ACTR3C: variants seen among roughly 807,000 people sequenced by gnomAD.
The protein encoded by ACTR3C is actin-related protein 3C.
A neutral mutation model predicts 26.3 loss-of-function variants in ACTR3C; 18 were observed. The ratio of observed to expected loss-of-function variants is 0.68; its 90% CI spans 0.47 to 1.01. ACTR3C has a LOEUF of 1.01. Ranked by LOEUF, ACTR3C falls within the 50% of genes least tolerant of loss-of-function variation. The pLI, the probability that ACTR3C is intolerant of heterozygous loss-of-function variation, is 0.00. For synonymous variants in ACTR3C, 55 were observed against 94.5 expected, an observed-to-expected ratio of 0.58 and a Z score of 2.42; for missense variants, 184 against 250.7, an observed-to-expected ratio of 0.73 and a Z score of 1.80.
At chr7:150,197,974 C>T in the ACTR3C span, among the ~76,000 whole-genome samples, 18 of 151,150 alleles carry the variant, frequency 1.2e-4, 1 homozygote, top group African/African-American at 3.9e-4. Context: ...CCTGCCTCAG[C>T]CTGCCGAGTG....
At chr7:150,107,545 C>T in the ACTR3C span, among the ~76,000 whole-genome samples, 1 of 151,976 alleles carries the variant, frequency 6.6e-6, no homozygotes, top group East Asian at 1.9e-4. Flanking sequence ...TTAGTGAAGT[C>T]TAAACTCTGT....
the ACTR3C span, among the ~76,000 whole-genome samples, chr7:150,105,499 A>G: frequency 1.1e-4 from 16 of 151,998 alleles, no homozygotes; most frequent in Admixed American, 2.0e-4. Context: ...TAGCACCTCA[A>G]TGGCTTTCCC....
chr7:150,011,144 A>T, the ACTR3C span, among the ~76,000 whole-genome samples: 1 of 152,144 alleles, frequency 6.6e-6, no homozygotes, highest in African/African-American at 2.4e-5. Context: ...ATTTGTATTC[A>T]TTCATCTTGA....
At chr7:149,982,058 A>C in the ACTR3C span, among the ~76,000 whole-genome samples, 2 of 152,220 alleles carry the variant, frequency 1.3e-5, no homozygotes, top group Admixed American at 1.3e-4. Flanking sequence ...CAGGGCGGAC[A>C]TTCTGGCAGC....
the ACTR3C span, among the ~76,000 whole-genome samples, chr7:150,180,171 C>T: frequency 2.0e-4 from 30 of 149,876 alleles, 1 homozygote; most frequent in African/African-American, 7.3e-4. Context: ...CGGGCGTGGT[C>T]GTGGGCACCT....
the ACTR3C span, among the ~76,000 whole-genome samples, chr7:149,904,768 G>A: frequency 6.6e-6 from 1 of 151,464 alleles, no homozygotes; most frequent in Non-Finnish European, 1.5e-5. Context: ...GGCCAAGGCA[G>A]GAGGATCATG....
the ACTR3C span, among the ~76,000 whole-genome samples, chr7:150,163,450 ATC>A: frequency 6.6e-6 from 1 of 151,254 alleles, no homozygotes; most frequent in Non-Finnish European, 1.5e-5. Flanking sequence ...ATATATACTT[ATC>A]TGTTTGTGTA....
At chr7:150,165,014 C>T in the ACTR3C span, among the ~76,000 whole-genome samples, 1 of 152,178 alleles carries the variant, frequency 6.6e-6, no homozygotes, top group South Asian at 2.1e-4. Flanking sequence ...GGTAAGGAAA[C>T]AAAGTTTCTG....
chr7:150,159,849 C>A, the ACTR3C span, among the ~76,000 whole-genome samples: 4 of 152,152 alleles, frequency 2.6e-5, no homozygotes, highest in Non-Finnish European at 5.9e-5. Flanking sequence ...CCCAGGCTCA[C>A]AGATCTCGGC....
chr7:150,092,612 C>T, the ACTR3C span, among the ~76,000 whole-genome samples: 113 of 150,352 alleles, frequency 7.5e-4, 1 homozygote, highest in African/African-American at 2.4e-3. Context: ...CATTGCCTTA[C>T]GGTCATTAAT....
At chr7:150,148,491 A>AT in the ACTR3C span, among the ~76,000 whole-genome samples, 1 of 152,096 alleles carries the variant, frequency 6.6e-6, no homozygotes, top group Non-Finnish European at 1.5e-5. Flanking sequence ...GGAAAAAAAA[A>AT]GTCACAAATC....
chr7:150,252,145 T>TGC (rs1563146688), intron 6 of ACTR3C, among the ~76,000 whole-genome samples: 3 of 150,744 alleles, frequency 2.0e-5, no homozygotes, highest in African/African-American at 7.4e-5. Context: ...TGTGTGTGTG[T>TGC]GCATGTGTGT....
At chr7:150,190,416 A>G in the ACTR3C span, among the ~76,000 whole-genome samples, 1 of 152,182 alleles carries the variant, frequency 6.6e-6, no homozygotes, top group African/African-American at 2.4e-5. Flanking sequence ...CTTTCCTTTT[A>G]TGAATATTGC....
the ACTR3C span, among the ~76,000 whole-genome samples, chr7:149,998,598 T>C: frequency 2.0e-5 from 3 of 149,486 alleles, no homozygotes; most frequent in South Asian, 6.5e-4. Context: ...CCATCAGATC[T>C]CGTGAGAACT....
At chr7:150,046,079 C>T in the ACTR3C span, among the ~76,000 whole-genome samples, 1 of 152,076 alleles carries the variant, frequency 6.6e-6, no homozygotes, top group African/African-American at 2.4e-5. Flanking sequence ...GAGGGACATG[C>T]CTTTGAATGA....
chr7:150,317,719 T>G (rs1300058726), intron 1 of ACTR3C, among the ~76,000 whole-genome samples: 1 of 152,212 alleles, frequency 6.6e-6, no homozygotes, highest in African/African-American at 2.4e-5. Flanking sequence ...GGTGGATATA[T>G]CTGATCATGC....
chr7:150,119,244 C>A, the ACTR3C span, among the ~76,000 whole-genome samples: 5 of 152,128 alleles, frequency 3.3e-5, no homozygotes, highest in African/African-American at 9.7e-5. Flanking sequence ...ACAGTATTAA[C>A]CTTAAATGTA....
chr7:150,117,383 C>T, the ACTR3C span, among the ~76,000 whole-genome samples: 517 of 152,270 alleles, frequency 3.4e-3, no homozygotes, highest in Admixed American at 6.1e-3. Context: ...ATGGGATGCT[C>T]GAGCTTGGTG....
At chr7:150,044,085 AG>A in the ACTR3C span, among the ~76,000 whole-genome samples, 4 of 152,236 alleles carry the variant, frequency 2.6e-5, no homozygotes, top group South Asian at 8.3e-4. Context: ...ATTGCAAAGA[AG>A]CCACATGTCA....
Sources: allele counts gnomAD v4.1 joint callset (sites outside exome capture counted in the v4.1 genomes callset), GRCh38; gene constraint gnomAD v4.1.1; transcripts MANE v1.5; gene names NCBI Gene and HGNC (gene_info 2026-07-23, HGNC 2026-07-21).